Variants in RBM46 observed in about 807,000 individuals in gnomAD.
The protein encoded by RBM46 is RNA binding motif protein 46.
A neutral mutation model predicts 43.3 loss-of-function variants in RBM46; 12 were observed. The ratio of observed to expected loss-of-function variants is 0.28; its 90% CI spans 0.18 to 0.45. RBM46 has a LOEUF of 0.45. Ranked by LOEUF, RBM46 falls within the 20% of genes least tolerant of loss-of-function variation. RBM46 has a pLI of 1.00. For missense variants in RBM46, 412 were observed against 639.1 expected (o/e 0.64, Z 3.83); for synonymous variants, 205 against 207.6 (o/e 0.99, Z 0.11).
intron 1 of RBM46, among the ~76,000 whole-genome samples, chr4:154,793,690 T>C (rs1734211036): frequency 6.6e-6 from 1 of 152,196 alleles, no homozygotes; most frequent in African/African-American, 2.4e-5. Flanking sequence ...GACAAATTAA[T>C]TTTCAGTTTT....
intron 4 of RBM46, among the ~76,000 whole-genome samples, chr4:154,816,464 T>C (rs1476326957): frequency 2.0e-5 from 3 of 152,144 alleles, no homozygotes; most frequent in African/African-American, 7.2e-5. Flanking sequence ...TCCAGACTTA[T>C]ACCTAGTGTT....
chr4:154,823,128 A>G (rs1485237856), intron 4 of RBM46, among the ~76,000 whole-genome samples: 1 of 151,914 alleles, frequency 6.6e-6, no homozygotes, highest in African/African-American at 2.4e-5. Context: ...ATGCTACAAC[A>G]TGTATGAGCC....
intron 4 of RBM46, among the ~76,000 whole-genome samples, chr4:154,801,955 C>T (rs1734659456): frequency 6.6e-6 from 1 of 152,120 alleles, no homozygotes; most frequent in Admixed American, 6.6e-5. Flanking sequence ...GTCATCTATT[C>T]CAGATTTTAT....
chr4:154,787,360 T>C (rs1415870217), intron 1 of RBM46: 3 of 109,488 alleles, frequency 2.7e-5, no homozygotes, highest in Non-Finnish European at 3.4e-5. Flanking sequence ...CAGGCCCCGA[T>C]GTGTGATGTT....
At chr4:154,787,891 T>G (rs1460248477) in intron 1 of RBM46, among the ~76,000 whole-genome samples, 2 of 152,200 alleles carry the variant, frequency 1.3e-5, no homozygotes, top group Non-Finnish European at 2.9e-5. Flanking sequence ...TGGTATGAGA[T>G]GGTATCTCAT....
intron 4 of RBM46, among the ~76,000 whole-genome samples, chr4:154,822,295 G>A (rs1393041739): frequency 6.6e-6 from 1 of 151,418 alleles, no homozygotes; most frequent in Non-Finnish European, 1.5e-5. Flanking sequence ...CTCTAGATTA[G>A]TTTGCATTTT....
chr4:154,809,927 A>G (rs1186490597), intron 4 of RBM46, among the ~76,000 whole-genome samples: 5 of 152,124 alleles, frequency 3.3e-5, no homozygotes, highest in Non-Finnish European at 7.4e-5. Flanking sequence ...ACCAAACAAT[A>G]GGTTGTTTAG....
chr4:154,809,819 G>A (rs1295829474), intron 4 of RBM46, among the ~76,000 whole-genome samples: 1 of 152,064 alleles, frequency 6.6e-6, no homozygotes, highest in African/African-American at 2.4e-5. Flanking sequence ...ATTTGAGGTG[G>A]CTCCTTAAAA....
intron 1 of RBM46, among the ~76,000 whole-genome samples, chr4:154,786,306 C>A (rs1320464307): frequency 6.6e-6 from 1 of 152,070 alleles, no homozygotes; most frequent in Non-Finnish European, 1.5e-5. Context: ...CCAGACTGGT[C>A]TTGAACTCCT....
At chr4:154,800,668 G>T (rs918218898) in intron 4 of RBM46, among the ~76,000 whole-genome samples, 2 of 146,994 alleles carry the variant, frequency 1.4e-5, no homozygotes, top group African/African-American at 5.1e-5. Flanking sequence ...TTTTAGTGAT[G>T]ATTACTTTGT....
intron 4 of RBM46, among the ~76,000 whole-genome samples, chr4:154,804,088 TC>T (rs1184443435): frequency 6.6e-6 from 1 of 152,160 alleles, no homozygotes; most frequent in East Asian, 1.9e-4. Flanking sequence ...GAATAAAAGT[TC>T]CTTGAGGCCT....
chr4:154,792,978 G>C (rs535035065), intron 1 of RBM46, among the ~76,000 whole-genome samples: 3 of 152,090 alleles, frequency 2.0e-5, no homozygotes, highest in Non-Finnish European at 2.9e-5. Context: ...GAGAAGTAAG[G>C]GTTACTTGAG....
intron 3 of RBM46, 118 bp downstream of exon 3, chr4:154,798,396 T>C: frequency 1.5e-6 from 1 of 667,358 alleles, no homozygotes; most frequent in Non-Finnish European, 2.4e-6. Flanking sequence ...TAAAGAATTG[T>C]TTGAGTAATG....
intron 4 of RBM46, among the ~76,000 whole-genome samples, chr4:154,822,478 A>G (rs1735763248): frequency 1.3e-5 from 2 of 151,736 alleles, no homozygotes; most frequent in Middle Eastern, 3.4e-3. Context: ...TGCTTATATG[A>G]TAGGTATTAT....
chr4:154,811,713 C>T (rs1174092503), intron 4 of RBM46, among the ~76,000 whole-genome samples: 1 of 142,716 alleles, frequency 7.0e-6, no homozygotes, highest in African/African-American at 2.6e-5. Flanking sequence ...CAGAGTTTCG[C>T]TGTGTCACCC....
Position 154,828,132 on chromosome 4 carries a change from AT to A in RBM46, c.*66del. The A allele has an allele frequency of 8.2e-7, 1 of 1,220,968 alleles. No individual in the cohort carries two copies. Among genetic ancestry groups the A allele is most frequent in the Non-Finnish European group, 1.2e-6 (1 of 829,226 alleles). The allele number at this position is 1,220,968 out of a possible 1,614,324, so 75.6% of individuals were successfully genotyped here. A position where few individuals can be genotyped will look rare whatever the true frequency, so the allele number is the denominator to read the frequency against. The stretch of plus-strand genomic sequence containing the variant: ...GTAGTATGAAAACTTGCAAATTAAA[AT>A]ATTGTTTTATTTTAGAATCGGGTTT... On this transcript the variant is annotated 3_prime_UTR_variant, in exon 5 of 5. Coordinates refer to ENST00000281722, the MANE Select transcript of RBM46 (RefSeq NM_144979.5).
chr4:154,822,369 ATTTTAAAGAAATTTCATTTC>A (rs892342299), intron 4 of RBM46, among the ~76,000 whole-genome samples: 8 of 145,830 alleles, frequency 5.5e-5, no homozygotes, highest in African/African-American at 2.2e-4. Context: ...TTAAAATTTC[ATTTTAAAGAAATTTCATTTC>A]TTTATTTCCT....
chr4:154,826,739 CTT>C (rs34828322), intron 4 of RBM46: 62,012 of 906,490 alleles, frequency 0.068, 235 homozygotes, highest in African/African-American at 0.13. Context: ...TTCATTTTTC[CTT>C]TTTTTTTTTT....
At chr4:154,804,338 ATCTT>A (rs1204914596) in intron 4 of RBM46, among the ~76,000 whole-genome samples, 1 of 152,220 alleles carries the variant, frequency 6.6e-6, no homozygotes, top group Non-Finnish European at 1.5e-5. Flanking sequence ...AGTCTTTTCT[ATCTT>A]CACAATCTCG....
Sources: allele counts gnomAD v4.1 joint callset (sites outside exome capture counted in the v4.1 genomes callset), GRCh38; gene constraint gnomAD v4.1.1; transcripts MANE v1.5; gene names NCBI Gene and HGNC (gene_info 2026-07-23, HGNC 2026-07-21).